TMEM267: variants seen among roughly 807,000 people sequenced by gnomAD.
TMEM267 encodes the protein transmembrane protein C5orf28.
Under a neutral mutation model 19.3 loss-of-function variants are expected in TMEM267, and 20 were observed. That is an observed-to-expected ratio of 1.04 (90% CI 0.73 to 1.51). TMEM267 has a LOEUF of 1.51. Among genes scored for constraint, TMEM267 ranks in the 40% most tolerant of loss-of-function variants. The pLI is 0.00. For synonymous variants in TMEM267, 88 were observed against 90.3 expected, an observed-to-expected ratio of 0.97 and a Z score of 0.15; for missense variants, 242 against 261.9, an observed-to-expected ratio of 0.92 and a Z score of 0.52.
chr5:43,481,864 A>T (rs192474619), intron 1 of TMEM267, among the ~76,000 whole-genome samples: 6 of 152,144 alleles, frequency 3.9e-5, no homozygotes, highest in African/African-American at 1.4e-4. Flanking sequence ...TTTGTGTGAG[A>T]TGGTTCCTCG....
rs941763820 is a variant in TMEM267, at chr5:43,454,177, TATA to T, written c.-74-137_-74-135del. The T allele has an allele frequency of 1.2e-4, 65 of 552,088 alleles. 2 individuals are homozygous for T. The highest frequency in any genetic ancestry group is 4.8e-4 in the Middle Eastern group (1 of 2,072). The allele number at this position is 552,088 out of a possible 1,614,324, so 34.2% of individuals were successfully genotyped here. A position where few individuals can be genotyped will look rare whatever the true frequency, so the allele number is the denominator to read the frequency against. On this transcript the variant is annotated intron_variant, in intron 1 of 2. Transcript: ENST00000397080. ...ATACTGGCAACTTTTACATGTTATA[TATA>T]ATATGTCACATAGCCCAAGGAGAAT...
intron 2 of TMEM267, among the ~76,000 whole-genome samples, chr5:43,450,690 T>G (rs1438665022): frequency 6.6e-6 from 1 of 152,216 alleles, no homozygotes; most frequent in East Asian, 1.9e-4. Flanking sequence ...TCTAAGTGAA[T>G]TAAAGGATAA....
chr5:43,463,633 T>C (rs1366230175), intron 1 of TMEM267, among the ~76,000 whole-genome samples: 1 of 152,222 alleles, frequency 6.6e-6, no homozygotes, highest in Non-Finnish European at 1.5e-5. Context: ...ATCCCTGGGA[T>C]GCAAGGCTGG....
rs1271431094 is a variant in TMEM267 at position 43,445,563 on chromosome 5, A to C, written c.*659T>G. The C allele has an allele frequency of 6.6e-6, 1 of 152,168 alleles. No individual in the cohort carries two copies. Among genetic ancestry groups the C allele is most frequent in the Non-Finnish European group, 1.5e-5 (1 of 68,006 alleles). 9.4% of individuals were successfully genotyped at this position (152,168 alleles called of 1,614,324 possible). On this transcript the variant is annotated 3_prime_UTR_variant, in exon 3 of 3. Coordinates refer to ENST00000397080, the MANE Select transcript of TMEM267 (RefSeq NM_022483.5). ...CTGTAGCCAACATGTTTTAATAATT[A>C]TTTCCTAAATTAATTTCTGAAATAA...
At chr5:43,476,678 T>TA (rs1744449104) in intron 1 of TMEM267, among the ~76,000 whole-genome samples, 1 of 151,782 alleles carries the variant, frequency 6.6e-6, no homozygotes, top group Admixed American at 6.6e-5. Context: ...GAGTACATGC[T>TA]AATAAACTTT....
chr5:43,482,142 C>A (rs1489210564), intron 1 of TMEM267, among the ~76,000 whole-genome samples: 1 of 152,190 alleles, frequency 6.6e-6, no homozygotes, highest in East Asian at 1.9e-4. Context: ...GGCGCCTGGC[C>A]CCTACTGTCT....
rs904602336 is a variant in TMEM267 at position 43,454,516 on chromosome 5, C to A, written c.-74-473G>T. ...AATCTAGTAATGAAAGTGGTCCAGG[C>A]TGAGCCAATCAGATTCCTTTCCAAA... On this transcript the variant is annotated intron_variant, in intron 1 of 2. Transcript: ENST00000397080. The A allele has an allele frequency of 1.3e-5, 2 of 152,246 alleles. 1 individual carries two copies. Among genetic ancestry groups the A allele is most frequent in the Admixed American group, 1.3e-4 (2 of 15,276 alleles). The allele number at this position is 152,246 out of a possible 1,614,324, so 9.4% of individuals were successfully genotyped here.
At chr5:43,478,771 G>A (rs1013895084) in intron 1 of TMEM267, among the ~76,000 whole-genome samples, 5 of 152,178 alleles carry the variant, frequency 3.3e-5, no homozygotes. Context: ...AATATGAAAA[G>A]ATTTCAATCT....
chr5:43,481,407 ACT>A (rs1410762189), intron 1 of TMEM267, among the ~76,000 whole-genome samples: 2 of 151,610 alleles, frequency 1.3e-5, no homozygotes, highest in East Asian at 3.9e-4. Flanking sequence ...GAACCTACTA[ACT>A]CTACATTTTA....
intron 1 of TMEM267, among the ~76,000 whole-genome samples, chr5:43,462,784 A>T (rs1743348899): frequency 6.6e-6 from 1 of 152,186 alleles, no homozygotes; most frequent in Admixed American, 6.5e-5. Flanking sequence ...CACATACAGG[A>T]TCTAAAAAAT....
chr5:43,474,498 G>A (rs529610937), intron 1 of TMEM267, among the ~76,000 whole-genome samples: 3 of 152,254 alleles, frequency 2.0e-5, no homozygotes, highest in Admixed American at 6.5e-5. Context: ...TGGTGCTCAC[G>A]CCTGTAATCC....
intron 1 of TMEM267, among the ~76,000 whole-genome samples, chr5:43,482,979 A>G (rs1744881528): frequency 1.3e-5 from 2 of 152,224 alleles, no homozygotes. Context: ...CACCAACCTT[A>G]CACATTATAT....
At chr5:43,474,742 A>G (rs1335027527) in intron 1 of TMEM267, among the ~76,000 whole-genome samples, 1 of 150,062 alleles carries the variant, frequency 6.7e-6, no homozygotes, top group Non-Finnish European at 1.5e-5. Flanking sequence ...CCGGGCAACA[A>G]GAGCAAAACT....
intron 1 of TMEM267, among the ~76,000 whole-genome samples, chr5:43,456,104 G>A (rs1409317821): frequency 1.3e-5 from 2 of 151,988 alleles, no homozygotes; most frequent in Non-Finnish European, 2.9e-5. Flanking sequence ...CCAAAGTGCT[G>A]AGATTACAGG....
chr5:43,479,647 C>A (rs1335947666), intron 1 of TMEM267, among the ~76,000 whole-genome samples: 1 of 151,992 alleles, frequency 6.6e-6, no homozygotes, highest in African/African-American at 2.4e-5. Context: ...ATAATAGACA[C>A]AAGAAATAAC....
In TMEM267 at chr5:43,446,038, A is replaced by G. The variant is rs1742214264; in HGVS notation, c.*184T>C. 1 of 429,100 alleles carries G rather than the reference A, an allele frequency of 2.3e-6. No individual in the cohort carries two copies. The highest frequency in any genetic ancestry group is 4.1e-6 in the Non-Finnish European group (1 of 242,530). The allele number at this position is 429,100 out of a possible 1,614,324, so 26.6% of individuals were successfully genotyped here. On this transcript the variant is annotated 3_prime_UTR_variant, in exon 3 of 3. Transcript: ENST00000397080. ...CACTAGAGTTGTCATAGAAGAGAGA[A>G]GTAGAATAATAACAAGTATAATTTT...
chr5:43,457,431 C>G (rs1743017056), intron 1 of TMEM267, among the ~76,000 whole-genome samples: 1 of 152,134 alleles, frequency 6.6e-6, no homozygotes, highest in Admixed American at 6.5e-5. Flanking sequence ...GTTCTGCAGG[C>G]TGTACAGGAA....
intron 1 of TMEM267, among the ~76,000 whole-genome samples, chr5:43,461,182 C>G (rs935963606): frequency 6.6e-6 from 1 of 152,138 alleles, no homozygotes; most frequent in East Asian, 1.9e-4. Flanking sequence ...ATACTCAGAG[C>G]CAGAAGGGAA....
At chr5:43,483,999 G>A (rs1744978547), upstream of TMEM267, 1 of 152,266 alleles carries the variant, frequency 6.6e-6, no homozygotes, top group African/African-American at 2.4e-5. Flanking sequence ...GTTGTTTGGT[G>A]CGGTGGGTAG....
Sources: allele counts gnomAD v4.1 joint callset (sites outside exome capture counted in the v4.1 genomes callset), GRCh38; gene constraint gnomAD v4.1.1; transcripts MANE v1.5; gene names NCBI Gene and HGNC (gene_info 2026-07-23, HGNC 2026-07-21).